Variants in AGBL4 observed in about 807,000 individuals in gnomAD.
The protein encoded by AGBL4 is cytosolic carboxypeptidase 6.
AGBL4 carries 58 observed loss-of-function variants against 66.4 expected under a neutral mutation model. The ratio of observed to expected loss-of-function variants is 0.87; its 90% CI spans 0.71 to 1.09. The LOEUF is 1.09. Among genes scored for constraint, AGBL4 ranks in the 50% least tolerant of loss-of-function variants. AGBL4 has a pLI of 0.00. For synonymous variants in AGBL4, 234 were observed against 222.9 expected (o/e 1.05, Z -0.44); for missense variants, 579 against 631.0 (o/e 0.92, Z 0.88).
intron 1 of AGBL4, among the ~76,000 whole-genome samples, chr1:49,923,285 T>A (rs1002768333): frequency 1.3e-5 from 2 of 152,132 alleles, no homozygotes; most frequent in African/African-American, 4.8e-5. Context: ...TGAAACTGGA[T>A]CCCTTCCTTT....
chr1:49,155,687 T>A lies in AGBL4; in HGVS notation c.377+90083A>T, dbSNP rs552294738. Among the ~76,000 whole-genome samples the A allele has an allele frequency of 8.9e-4, 136 of 152,280 alleles. 1 individual carries two copies. The highest frequency in any genetic ancestry group is 3.2e-3 in the African/African-American group (132 of 41,564). ...AAGATGTCAGGGGGCATCTTCTCAG[T>A]TCCACATGGGACAATAAACAGATAT... is the stretch of plus-strand genomic sequence containing the variant. On this transcript the variant is annotated intron_variant, in intron 4 of 13. Transcript: ENST00000371839.
Position 48,777,817 on chromosome 1 carries a change from G to C in AGBL4, c.634+89374C>G, listed in dbSNP as rs150179440. 2.9e-3 allele frequency among the ~76,000 whole-genome samples: 437 copies of C among 152,258 alleles called. 1 individual carries two copies. The highest frequency in any genetic ancestry group is 4.8e-3 in the Non-Finnish European group (325 of 67,998). On this transcript the variant is annotated intron_variant, in intron 6 of 13. Coordinates refer to ENST00000371839, the MANE Select transcript of AGBL4 (RefSeq NM_032785.4). Reference sequence around the variant, plus strand: ...TTGAGGAGCGCTCTGGGTAACACAGGCCCAAGGCTAGGGATTTCTGGAGCA... The same window carrying C: ...TTGAGGAGCGCTCTGGGTAACACAGCCCCAAGGCTAGGGATTTCTGGAGCA...
chr1:48,852,573 C>T (rs367585476), intron 6 of AGBL4, among the ~76,000 whole-genome samples: 16 of 152,262 alleles, frequency 1.1e-4, no homozygotes, highest in South Asian at 4.1e-4. Flanking sequence ...GGGCACATAA[C>T]CTTTTTTCCT....
intron 6 of AGBL4, among the ~76,000 whole-genome samples, chr1:48,749,941 G>A (rs1189350820): frequency 6.6e-6 from 1 of 152,212 alleles, no homozygotes; most frequent in African/African-American, 2.4e-5. Context: ...GTGGGAATAA[G>A]TGGGGTGGGC....
chr1:49,822,453 T>G (rs1645394845), intron 2 of AGBL4, among the ~76,000 whole-genome samples: 1 of 151,990 alleles, frequency 6.6e-6, no homozygotes, highest in South Asian at 2.1e-4. Context: ...CTTAGCCTCC[T>G]GAGTAGCTAG....
At chr1:49,753,755 C>T (rs531190714) in intron 2 of AGBL4, among the ~76,000 whole-genome samples, 4 of 152,186 alleles carry the variant, frequency 2.6e-5, no homozygotes, top group African/African-American at 9.6e-5. Context: ...TTCTTGGAGG[C>T]CTTGTTCATT....
chr1:49,431,207 A>G (rs1308308041), intron 3 of AGBL4, among the ~76,000 whole-genome samples: 1 of 152,200 alleles, frequency 6.6e-6, no homozygotes, highest in Non-Finnish European at 1.5e-5. Context: ...ACACTGCCAA[A>G]TAGTTTTCTG....
intron 4 of AGBL4, among the ~76,000 whole-genome samples, chr1:49,210,393 T>C (rs1022702386): frequency 8.5e-5 from 13 of 152,110 alleles, no homozygotes; most frequent in Non-Finnish European, 1.5e-4. Context: ...TGGGTGTCAC[T>C]TGCATAATTA....
At chr1:49,470,644 T>A (rs988746781) in intron 3 of AGBL4, among the ~76,000 whole-genome samples, 4 of 152,018 alleles carry the variant, frequency 2.6e-5, no homozygotes, top group Non-Finnish European at 5.9e-5. Flanking sequence ...CCTGTCAGTT[T>A]ACCATTGCCA....
At chr1:49,384,202 T>C (rs1373127353) in intron 3 of AGBL4, among the ~76,000 whole-genome samples, 5 of 152,150 alleles carry the variant, frequency 3.3e-5, no homozygotes, top group Admixed American at 2.6e-4. Flanking sequence ...ATATCTAATA[T>C]GGAATTAATA....
intron 3 of AGBL4, among the ~76,000 whole-genome samples, chr1:49,651,548 C>A (rs1571252140): frequency 6.6e-6 from 1 of 152,224 alleles, no homozygotes; most frequent in East Asian, 1.9e-4. Context: ...AAACACATTA[C>A]TACAACAAGC....
chr1:49,880,099 G>A (rs1325286402), intron 1 of AGBL4, among the ~76,000 whole-genome samples: 1 of 151,794 alleles, frequency 6.6e-6, no homozygotes, highest in Non-Finnish European at 1.5e-5. Context: ...CTTTGCCTTT[G>A]GTTTGAATGT....
At chr1:49,603,527 A>AAAAT (rs59509776) in intron 3 of AGBL4, among the ~76,000 whole-genome samples, 15,047 of 140,496 alleles carry the variant, frequency 0.11, 921 homozygotes, top group African/African-American at 0.15. Flanking sequence ...TCCATCTCAA[A>AAAAT]AAATAAATAA....
intron 3 of AGBL4, among the ~76,000 whole-genome samples, chr1:49,427,330 G>A (rs1163548313): frequency 1.3e-5 from 2 of 152,074 alleles, no homozygotes; most frequent in African/African-American, 4.8e-5. Context: ...CAGAATATAG[G>A]GAGAATTTAG....
intron 6 of AGBL4, among the ~76,000 whole-genome samples, chr1:48,824,885 A>T (rs1646392367): frequency 6.6e-6 from 1 of 152,172 alleles, no homozygotes; most frequent in South Asian, 2.1e-4. Context: ...GCTGACCTGG[A>T]ATCTCAGCTC....
At chr1:49,332,277 C>T (rs1235205039) in intron 3 of AGBL4, among the ~76,000 whole-genome samples, 1 of 151,986 alleles carries the variant, frequency 6.6e-6, no homozygotes, top group Non-Finnish European at 1.5e-5. Flanking sequence ...ATACAACTTA[C>T]CAAAACAGAT....
In AGBL4 at chr1:48,537,006, T is replaced by C. The variant is rs192928200; in HGVS notation, c.1365-2090A>G. On this transcript the variant is annotated intron_variant, in intron 12 of 13. Coordinates refer to ENST00000371839, the MANE Select transcript of AGBL4 (RefSeq NM_032785.4). ...CAGCGTGTGAGCAGAAAGTGACATA[T>C]TGTAATTATCCATGGAGATGGGAGA... Among the ~76,000 whole-genome samples, 648 of 152,330 alleles carry C rather than the reference T, an allele frequency of 4.3e-3. 3 individuals are homozygous for C. Among genetic ancestry groups the C allele is most frequent in the Non-Finnish European group, 6.0e-3 (407 of 68,032 alleles).
intron 3 of AGBL4, among the ~76,000 whole-genome samples, chr1:49,604,695 T>G (rs1282831613): frequency 6.6e-6 from 1 of 152,092 alleles, no homozygotes; most frequent in East Asian, 1.9e-4. Flanking sequence ...CTGAAATGGG[T>G]CAGGTCAGGA....
chr1:49,235,633 G>A (rs1044394758), intron 4 of AGBL4, among the ~76,000 whole-genome samples: 2 of 152,200 alleles, frequency 1.3e-5, no homozygotes, highest in African/African-American at 4.8e-5. Flanking sequence ...AAGGTGGAAG[G>A]AAGTAGTATA....
Sources: allele counts gnomAD v4.1 joint callset (sites outside exome capture counted in the v4.1 genomes callset), GRCh38; gene constraint gnomAD v4.1.1; transcripts MANE v1.5; gene names NCBI Gene and HGNC (gene_info 2026-07-23, HGNC 2026-07-21).